Variants in SBF2 observed in about 807,000 individuals in gnomAD.
SBF2 encodes myotubularin-related protein 13.
SBF2 carries 112 observed loss-of-function variants against 225.2 expected under a neutral mutation model. That is an observed-to-expected ratio of 0.50 (90% CI 0.43 to 0.58). The LOEUF (loss-of-function observed/expected upper bound fraction) is 0.58. SBF2 is among the 20% of genes least tolerant of loss of function. The probability of loss-of-function intolerance (pLI) is 0.00; values close to 1 mark genes in which losing one functional copy is unlikely to be tolerated. For missense variants in SBF2, 1,996 were observed against 2,206.2 expected, an observed-to-expected ratio of 0.90 and a Z score of 1.91; for synonymous variants, 763 against 773.3, an observed-to-expected ratio of 0.99 and a Z score of 0.22.
chr11:10,016,883 T>C (rs955959906), intron 6 of SBF2: 1 of 152,244 alleles, frequency 6.6e-6, no homozygotes, highest in Admixed American at 6.5e-5. Flanking sequence ...GTTACATAGC[T>C]ATTGAGAAAT....
At chr11:10,161,015 C>A (rs1955703503) in intron 2 of SBF2, among the ~76,000 whole-genome samples, 1 of 151,852 alleles carries the variant, frequency 6.6e-6, no homozygotes, top group Non-Finnish European at 1.5e-5. Context: ...GGTGAAACCC[C>A]ATCTCTACTA....
chr11:10,294,344 G>T, upstream of SBF2: 1 of 331,464 alleles, frequency 3.0e-6, no homozygotes, highest in Non-Finnish European at 5.5e-6. Context: ...TGCGCTGGGG[G>T]AGTGGGCGGT....
intron 1 of SBF2, among the ~76,000 whole-genome samples, chr11:10,288,958 G>T (rs934186694): frequency 5.9e-5 from 9 of 152,158 alleles, no homozygotes; most frequent in African/African-American, 1.7e-4. Flanking sequence ...CCTCACCAGA[G>T]ACCTGCCCCC....
intron 17 of SBF2, among the ~76,000 whole-genome samples, chr11:9,869,653 C>G (rs1019279324): frequency 4.6e-5 from 7 of 152,076 alleles, no homozygotes; most frequent in Non-Finnish European, 8.8e-5. Flanking sequence ...ATTCAATATC[C>G]CTTCATGTTA....
At chr11:10,156,157 A>G (rs1351263489) in intron 2 of SBF2, among the ~76,000 whole-genome samples, 1 of 151,982 alleles carries the variant, frequency 6.6e-6, no homozygotes, top group East Asian at 1.9e-4. Flanking sequence ...CCCAGTGCCC[A>G]CTCTGATTTC....
chr11:10,033,713 A>G (rs1949343042), intron 3 of SBF2, among the ~76,000 whole-genome samples: 1 of 151,862 alleles, frequency 6.6e-6, no homozygotes, highest in Admixed American at 6.6e-5. Context: ...CAAATTTATT[A>G]GGTAAAATAA....
chr11:9,785,244 T>G lies in SBF2; in HGVS notation c.5112A>C (p.Leu1704=), dbSNP rs370420894. The change falls in exon 37 of 40, where the codon CTA becomes CTC. Residue 1704 remains leucine (L), a synonymous_variant. Coordinates refer to ENST00000256190, the MANE Select transcript of SBF2 (RefSeq NM_030962.4). The part of the protein sequence containing the change: ...NLPSYQKRSL[L]HLPDSSMGEE... ...CCCCCATGCTGCTGTCTGGGAGATG[T>G]AGCAGAGACCTCTTCTGATAGGAAG... The G allele has an allele frequency of 6.2e-7, 1 of 1,613,962 alleles. No homozygotes were observed. The highest frequency in any genetic ancestry group is 8.5e-7 in the Non-Finnish European group (1 of 1,179,938).
Position 9,994,747 on chromosome 11 carries a change from T to C in SBF2, c.976-749A>G, listed in dbSNP as rs567848404. ...GTTTCTAAGTGTAATTAAAAATTACTGAGGAGAGGCCAGGTGCAGTGGCTC... is the reference window on the plus strand; with the variant it reads ...GTTTCTAAGTGTAATTAAAAATTACCGAGGAGAGGCCAGGTGCAGTGGCTC... On this transcript the variant is annotated intron_variant, in intron 9 of 39. Coordinates refer to ENST00000256190, the MANE Select transcript of SBF2 (RefSeq NM_030962.4). 3.1e-4 allele frequency among the ~76,000 whole-genome samples: 47 copies of C among 151,914 alleles called. 2 individuals carry two copies. In the South Asian group the frequency reaches 9.3e-3, roughly 30 times the overall value.
intron 2 of SBF2, among the ~76,000 whole-genome samples, chr11:10,052,312 G>A (rs1478450641): frequency 1.3e-5 from 2 of 151,992 alleles, no homozygotes; most frequent in Non-Finnish European, 2.9e-5. Flanking sequence ...TCACAATACC[G>A]TTTTGATACC....
rs1866319020 is a variant in SBF2, at chr11:9,958,338, C to T, written c.1860+3619G>A. The T allele has an allele frequency of 1.3e-5, 2 of 151,656 alleles. 1 individual carries two copies. Among genetic ancestry groups the T allele is most frequent in the Admixed American group, 1.3e-4 (2 of 15,232 alleles). The allele number at this position is 151,656 out of a possible 1,614,324, so 9.4% of individuals were successfully genotyped here. On this transcript the variant is annotated intron_variant, in intron 16 of 39. Transcript: ENST00000256190. ...ACTGGGCACAAGGAATTTAAAAAGA[C>T]CCTCATATTCCATCCTTTCTTTTTT...
intron 2 of SBF2, among the ~76,000 whole-genome samples, chr11:10,099,200 A>G (rs766059603): frequency 3.5e-4 from 53 of 152,198 alleles, no homozygotes; most frequent in Non-Finnish European, 6.0e-4. Context: ...ACAAAGTAAG[A>G]CTTTGAAAGG....
chr11:10,211,326 G>A (rs1161892921), intron 1 of SBF2, among the ~76,000 whole-genome samples: 1 of 152,154 alleles, frequency 6.6e-6, no homozygotes, highest in Non-Finnish European at 1.5e-5. Flanking sequence ...GTTGAGTCAA[G>A]AGGTTGGAAC....
intron 1 of SBF2, among the ~76,000 whole-genome samples, chr11:10,196,858 A>ATTT (rs1268280949): frequency 7.0e-4 from 12 of 17,072 alleles, no homozygotes; most frequent in Admixed American, 6.5e-3. Flanking sequence ...ATATATATAT[A>ATTT]TATATATATT....
In SBF2 at chr11:9,947,004, T is replaced by G. The variant is rs569067922; in HGVS notation, c.1860+14953A>C. Among the ~76,000 whole-genome samples the G allele has an allele frequency of 1.7e-3, 259 of 152,312 alleles. 1 individual carries two copies. Among genetic ancestry groups the G allele is most frequent in the South Asian group, 8.1e-3 (39 of 4,828 alleles). ...AAAGTTGTTTTAGGAGAAATGAAACTTAAGGACTGGAATCTAGAATTAGTT... is the reference window on the plus strand; with the variant it reads ...AAAGTTGTTTTAGGAGAAATGAAACGTAAGGACTGGAATCTAGAATTAGTT... On this transcript the variant is annotated intron_variant, in intron 16 of 39. Transcript: ENST00000256190.
At chr11:9,808,603 CAA>C in intron 31 of SBF2, 1 of 412,930 alleles carries the variant, frequency 2.4e-6, no homozygotes, top group Non-Finnish European at 4.5e-6. Flanking sequence ...GATGGACTGA[CAA>C]AACCCAGGAA....
chr11:9,797,359 G>GT (rs371821839), intron 32 of SBF2, among the ~76,000 whole-genome samples: 4 of 152,344 alleles, frequency 2.6e-5, no homozygotes, highest in African/African-American at 9.6e-5. Flanking sequence ...TTGAATTGAA[G>GT]TAAAATTTTA....
chr11:9,797,057 CAATCAT>C (rs1853168812), intron 32 of SBF2, among the ~76,000 whole-genome samples: 1 of 152,172 alleles, frequency 6.6e-6, no homozygotes, highest in South Asian at 2.1e-4. Context: ...AAGTAAGTTC[CAATCAT>C]AATTGTACTT....
chr11:10,004,772 T>A (rs925271256), intron 6 of SBF2, among the ~76,000 whole-genome samples: 1 of 152,126 alleles, frequency 6.6e-6, no homozygotes, highest in African/African-American at 2.4e-5. Flanking sequence ...TGACTATTCC[T>A]CTATCTTCCT....
chr11:9,926,999 T>G (rs1481584996), intron 16 of SBF2, among the ~76,000 whole-genome samples: 1 of 152,136 alleles, frequency 6.6e-6, no homozygotes, highest in African/African-American at 2.4e-5. Flanking sequence ...CTCTCTAGCT[T>G]GACTGAACAG....
Sources: gnomAD v4.1 joint callset for allele counts (sites outside exome capture counted in the v4.1 genomes callset) on GRCh38, gnomAD v4.1.1 for gene constraint, MANE v1.5 for transcripts, NCBI Gene and HGNC (gene_info 2026-07-23, HGNC 2026-07-21) for gene names.